RAB11FIP3: variants seen among roughly 807,000 people sequenced by gnomAD.
The protein encoded by RAB11FIP3 is rab11 family-interacting protein 3.
In RAB11FIP3, 17 loss-of-function variants were observed where a neutral mutation model predicts 77.8. That is an observed-to-expected ratio of 0.22 (90% CI 0.15 to 0.33). The LOEUF (loss-of-function observed/expected upper bound fraction) is 0.33, where lower values mean the gene tolerates loss of function less well. RAB11FIP3 is among the 10% of genes least tolerant of loss of function. The pLI, the probability that RAB11FIP3 is intolerant of heterozygous loss-of-function variation, is 1.00. For synonymous variants in RAB11FIP3, 437 were observed against 448.2 expected (o/e 0.98, Z 0.31); for missense variants, 1,005 against 1,011.2 (o/e 0.99, Z 0.08).
intron 3 of RAB11FIP3, among the ~76,000 whole-genome samples, chr16:477,472 C>G (rs1255243088): frequency 2.6e-5 from 4 of 152,166 alleles, no homozygotes; most frequent in African/African-American, 9.7e-5. Context: ...CGCTGGGCTT[C>G]GCATCCTGCC....
intron 1 of RAB11FIP3, among the ~76,000 whole-genome samples, chr16:449,015 C>G (rs2055364220): frequency 6.6e-6 from 1 of 152,048 alleles, no homozygotes; most frequent in Non-Finnish European, 1.5e-5. Context: ...TGTGGTAGGC[C>G]AAATAATGGC....
chr16:507,287 A>G lies in RAB11FIP3; in HGVS notation c.1499+1660A>G, dbSNP rs1157185406. Among the ~76,000 whole-genome samples the G allele has an allele frequency of 2.0e-5, 3 of 151,938 alleles. No homozygotes were observed. Among genetic ancestry groups the G allele is most frequent in the Non-Finnish European group, 1.5e-5 (1 of 67,968 alleles). On this transcript the variant is annotated intron_variant, in intron 8 of 13. Transcript: ENST00000262305. The surrounding 1 kb of genome is among the most constrained non-coding windows in gnomAD (Gnocchi z 4.6). Reference sequence around the variant, plus strand: ...ACCACCACGCTGGGCTAATTTTTGTATTTTTAGTAGAGACGGGGTTTCACC... The same window carrying G: ...ACCACCACGCTGGGCTAATTTTTGTGTTTTTAGTAGAGACGGGGTTTCACC...
intron 2 of RAB11FIP3, among the ~76,000 whole-genome samples, chr16:464,401 T>C (rs1448182753): frequency 1.3e-5 from 2 of 152,196 alleles, no homozygotes; most frequent in African/African-American, 2.4e-5. Context: ...TTTTGGCGTC[T>C]CACATACTGT....
In RAB11FIP3 at chr16:453,693, C is replaced by T. The variant is rs182564872; in HGVS notation, c.715-7711C>T. On this transcript the variant is annotated intron_variant, in intron 1 of 13. Transcript: ENST00000262305. ...GCAACCTCTGCCCCCTGGGTTCAAGCGATTCTTCTGCCTCAGCCTCCCCAG... is the reference window on the plus strand; with the variant it reads ...GCAACCTCTGCCCCCTGGGTTCAAGTGATTCTTCTGCCTCAGCCTCCCCAG... Among the ~76,000 whole-genome samples the T allele has an allele frequency of 9.3e-5, 14 of 149,876 alleles. No individual in the cohort carries two copies. The East Asian group carries it at 2.4e-3, about 26-fold the overall frequency.
intron 1 of RAB11FIP3, among the ~76,000 whole-genome samples, chr16:427,796 TCATAA>T (rs2054974701): frequency 6.6e-6 from 1 of 152,062 alleles, no homozygotes; most frequent in Admixed American, 6.6e-5. Context: ...AGGGTGTCAG[TCATAA>T]CATTAAGAAC....
intron 6 of RAB11FIP3, among the ~76,000 whole-genome samples, chr16:501,150 C>G (rs771297003): frequency 2.6e-5 from 4 of 152,224 alleles, no homozygotes; most frequent in Non-Finnish European, 5.9e-5. Flanking sequence ...TACTGAGAAG[C>G]AAATCGAACT....
At position 426,374 on chromosome 16, in the gene RAB11FIP3, TCTC is replaced by T. The variant is rs747857578; in HGVS notation, c.371_373del (p.Ser124del). 9.0e-6 allele frequency: 14 copies of T among 1,547,594 alleles called. No homozygotes were observed. Among genetic ancestry groups the T allele is most frequent in the South Asian group, 2.4e-5 (2 of 83,772 alleles). ...CCGCTTCCAGAACTCGACCCGTTGT[TCTC>T]CTGGACTGAGGAGCCCGAGGAGTGT... On this transcript the variant is annotated inframe_deletion, in exon 1 of 14. Coordinates refer to ENST00000262305, the MANE Select transcript of RAB11FIP3 (RefSeq NM_014700.4). This position sits in a 1 kb window ranked among gnomAD's most constrained non-coding sequence, Gnocchi z 5.0.
chr16:439,759 A>G (rs1379616940), intron 1 of RAB11FIP3, among the ~76,000 whole-genome samples: 2 of 152,104 alleles, frequency 1.3e-5, no homozygotes, highest in Non-Finnish European at 2.9e-5. Context: ...TTCATTCTGG[A>G]AAGGTGGGAC....
chr16:476,940 T>G (rs373879857), intron 3 of RAB11FIP3, among the ~76,000 whole-genome samples: 1 of 151,236 alleles, frequency 6.6e-6, no homozygotes, highest in African/African-American at 2.4e-5. Flanking sequence ...AATACAAAAA[T>G]TAGTTGGGTG....
At chr16:466,315 C>T (rs2055701419) in intron 2 of RAB11FIP3, among the ~76,000 whole-genome samples, 1 of 152,204 alleles carries the variant, frequency 6.6e-6, no homozygotes, top group African/African-American at 2.4e-5. Context: ...AGGCTGGGAA[C>T]AGCAGTGGCC....
At chr16:438,492 G>A (rs1316463721) in intron 1 of RAB11FIP3, among the ~76,000 whole-genome samples, 1 of 140,484 alleles carries the variant, frequency 7.1e-6, no homozygotes, top group Non-Finnish European at 1.5e-5. Flanking sequence ...TGCAACCTCC[G>A]CTTCCAGGGT....
At position 520,240 on chromosome 16, in the gene RAB11FIP3, AGAGC is replaced by A; in HGVS notation, c.1984_1987del (p.Glu662TrpfsTer8). On this transcript the variant is annotated frameshift_variant, in exon 12 of 14. Transcript: ENST00000262305. LOFTEE classifies it high-confidence loss of function. Reference sequence around the variant, plus strand: ...CAGGAGTACCACAGCCGCGCCCGGGAGAGCGAGCTGGAGCAGGAGGTCCGCAGGC... The same window carrying A: ...CAGGAGTACCACAGCCGCGCCCGGGAGAGCTGGAGCAGGAGGTCCGCAGGC... The A allele has an allele frequency of 6.5e-7, 1 of 1,546,478 alleles. No homozygotes were observed. The highest frequency in any genetic ancestry group is 8.7e-7 in the Non-Finnish European group (1 of 1,148,408).
chr16:492,392 C>CCCCCGGGAGACCCGAGGCCA lies in RAB11FIP3; in HGVS notation c.1265+3392_1265+3393insCCCCGGGAGACCCGAGGCCA, dbSNP rs2030450219. On this transcript the variant is annotated intron_variant, in intron 5 of 13. Transcript: ENST00000262305. ...GGGAGACCCGAGGCCGCCCAGAGCC[C>CCCCCGGGAGACCCGAGGCCA]TCCCCGGGAGACCCGAGGCCGCCCA... 1.5e-5 allele frequency among the ~76,000 whole-genome samples: 2 copies of CCCCCGGGAGACCCGAGGCCA among 131,822 alleles called. 1 individual carries two copies. Among genetic ancestry groups the CCCCCGGGAGACCCGAGGCCA allele is most frequent in the African/African-American group, 6.9e-5 (2 of 28,902 alleles). 86.5% of individuals were successfully genotyped at this position (131,822 alleles called of 152,430 possible).
Position 426,048 on chromosome 16 carries a change from G to C in RAB11FIP3, c.42G>C (p.Pro14=). 3.0e-6 allele frequency: 3 copies of C among 997,136 alleles called. No homozygotes were observed. Among genetic ancestry groups the C allele is most frequent in the Non-Finnish European group, 3.6e-6 (3 of 839,456 alleles). The allele number at this position is 997,136 out of a possible 1,614,324, so 61.8% of individuals were successfully genotyped here. The part of the protein sequence containing the change: ...APPASPPGSE[P]PGPDPEPGGP... ...CGGCCTCGCCCCCGGGCTCGGAGCC[G>C]CCGGGGCCCGACCCGGAGCCGGGCG... The change falls in exon 1 of 14, where the codon CCG becomes CCC. Residue 14 remains proline (P), a synonymous_variant. Coordinates refer to ENST00000262305, the MANE Select transcript of RAB11FIP3 (RefSeq NM_014700.4). This position sits in a 1 kb window ranked among gnomAD's most constrained non-coding sequence, Gnocchi z 5.0.
intron 1 of RAB11FIP3, among the ~76,000 whole-genome samples, chr16:458,195 G>C (rs1567367906): frequency 6.6e-6 from 1 of 152,370 alleles, no homozygotes; most frequent in East Asian, 1.9e-4. Flanking sequence ...CCCGGGCCTT[G>C]CTCTGGTGCC....
intron 2 of RAB11FIP3, among the ~76,000 whole-genome samples, chr16:462,060 T>C (rs1414557471): frequency 2.0e-5 from 3 of 152,206 alleles, no homozygotes; most frequent in African/African-American, 7.2e-5. Context: ...TCACACCTGC[T>C]CCTCTGTGAG....
chr16:462,104 C>CCTGTCA (rs2055616990), intron 2 of RAB11FIP3, among the ~76,000 whole-genome samples: 1 of 152,256 alleles, frequency 6.6e-6, no homozygotes, highest in Non-Finnish European at 1.5e-5. Flanking sequence ...CAGTGCGGAG[C>CCTGTCA]CTGTCACGCA....
At chr16:503,167 C>A in intron 7 of RAB11FIP3, 70 bp downstream of exon 7, 1 of 1,301,978 alleles carries the variant, frequency 7.7e-7, no homozygotes, top group Non-Finnish European at 1.1e-6. Flanking sequence ...AGGGCCGCTG[C>A]AGACACCCCG....
intron 5 of RAB11FIP3, among the ~76,000 whole-genome samples, chr16:492,739 G>A (rs750951481): frequency 6.6e-6 from 1 of 152,158 alleles, no homozygotes; most frequent in African/African-American, 2.4e-5. Context: ...CTCCGTACAT[G>A]AAAGTAAGCC....
Sources: gnomAD v4.1 joint callset for allele counts (sites outside exome capture counted in the v4.1 genomes callset) on GRCh38, gnomAD v4.1.1 for gene constraint, Gnocchi (gnomAD v3.1) non-coding constraint, MANE v1.5 for transcripts, NCBI Gene and HGNC (gene_info 2026-07-23, HGNC 2026-07-21) for gene names.